GALNTL6: variants seen among roughly 807,000 people sequenced by gnomAD.
The protein encoded by GALNTL6 is polypeptide N-acetylgalactosaminyltransferase-like 6.
Under a neutral mutation model 73.7 loss-of-function variants are expected in GALNTL6, and 46 were observed. The ratio of observed to expected loss-of-function variants is 0.62; its 90% CI spans 0.49 to 0.80. GALNTL6 has a LOEUF of 0.80. GALNTL6 is among the 30% of genes least tolerant of loss of function. The pLI, the probability that GALNTL6 is intolerant of heterozygous loss-of-function variation, is 0.00. For missense variants in GALNTL6, 604 were observed against 755.0 expected (o/e 0.80, Z 2.34); for synonymous variants, 259 against 263.7 (o/e 0.98, Z 0.17).
At chr4:171,942,639 A>C (rs1738584608) in intron 2 of GALNTL6, among the ~76,000 whole-genome samples, 1 of 152,146 alleles carries the variant, frequency 6.6e-6, no homozygotes, top group African/African-American at 2.4e-5. Context: ...TTTCTTTTTC[A>C]CCTACAGAAT....
intron 2 of GALNTL6, among the ~76,000 whole-genome samples, chr4:171,845,887 A>G: frequency 6.6e-6 from 1 of 152,224 alleles, no homozygotes. Context: ...ATTCATGTCC[A>G]ATAAATTGTG....
intron 2 of GALNTL6, among the ~76,000 whole-genome samples, chr4:171,938,513 T>C (rs924411931): frequency 6.6e-6 from 1 of 152,184 alleles, no homozygotes; most frequent in Non-Finnish European, 1.5e-5. Flanking sequence ...ACTATAAAGA[T>C]ATTGCTTTGG....
intron 2 of GALNTL6, among the ~76,000 whole-genome samples, chr4:172,062,244 A>G (rs1194045485): frequency 6.6e-6 from 1 of 151,660 alleles, no homozygotes; most frequent in Non-Finnish European, 1.5e-5. Flanking sequence ...ATAAGCCACT[A>G]CTCCTGGCCT....
chr4:172,467,838 CTTTCTTTCTTT>C, intron 5 of GALNTL6, among the ~76,000 whole-genome samples: 1 of 146,978 alleles, frequency 6.8e-6, no homozygotes, highest in Admixed American at 6.9e-5. Flanking sequence ...TTCTTTCTTT[CTTTCTTTCTTT>C]CTTTCTTTCT....
At position 172,069,486 on chromosome 4, in the gene GALNTL6, C is replaced by CATATATATGTTATATATA. The variant is rs527461143; in HGVS notation, c.139-160169_139-160168insTATATATGTTATATATAA. Among the ~76,000 whole-genome samples the CATATATATGTTATATATA allele has an allele frequency of 3.4e-4, 11 of 32,520 alleles. 5 individuals are homozygous for CATATATATGTTATATATA. Among genetic ancestry groups the CATATATATGTTATATATA allele is most frequent in the African/African-American group, 6.4e-4 (10 of 15,522 alleles). 21.3% of individuals were successfully genotyped at this position (32,520 alleles called of 152,430 possible). A position where few individuals can be genotyped will look rare whatever the true frequency, so the allele number is the denominator to read the frequency against. On this transcript the variant is annotated intron_variant, in intron 2 of 12. Transcript: ENST00000506823. Reference sequence around the variant, plus strand: ...CATATAACATATATGTTATATATAACACATATGTTATATGTATAACACATA... The same window carrying CATATATATGTTATATATA: ...CATATAACATATATGTTATATATAACATATATATGTTATATATAACATATGTTATATGTATAACACATA...
intron 5 of GALNTL6, among the ~76,000 whole-genome samples, chr4:172,739,814 G>A (rs1736697163): frequency 6.6e-6 from 1 of 151,770 alleles, no homozygotes; most frequent in South Asian, 2.1e-4. Context: ...GAATATAGCT[G>A]TAGCTGAAAA....
intron 2 of GALNTL6, among the ~76,000 whole-genome samples, chr4:172,201,264 T>A (rs1314222219): frequency 6.6e-6 from 1 of 151,992 alleles, no homozygotes; most frequent in Non-Finnish European, 1.5e-5. Flanking sequence ...TGGAGTTCAG[T>A]GGCACGATCT....
At chr4:172,187,069 G>C (rs1047936100) in intron 2 of GALNTL6, among the ~76,000 whole-genome samples, 1 of 151,932 alleles carries the variant, frequency 6.6e-6, no homozygotes, top group Non-Finnish European at 1.5e-5. Context: ...GTCATATATA[G>C]ATGAATATCA....
intron 2 of GALNTL6, among the ~76,000 whole-genome samples, chr4:171,875,324 C>G (rs952780150): frequency 6.6e-6 from 1 of 152,172 alleles, no homozygotes; most frequent in African/African-American, 2.4e-5. Context: ...CCAGAAAGTT[C>G]TCTGTTGGGT....
At chr4:171,819,420 AT>A (rs567282284) in intron 2 of GALNTL6, among the ~76,000 whole-genome samples, 5 of 152,244 alleles carry the variant, frequency 3.3e-5, no homozygotes, top group African/African-American at 1.2e-4. Context: ...TAAATAAATA[AT>A]TTTTCCCCTC....
Position 172,375,630 on chromosome 4 carries a change from G to A in GALNTL6, c.553+26941G>A, listed in dbSNP as rs572805849. ...CAATGGTCCCTGGACCCTGCTGATC[G>A]GAATAGTTGCACTCACTGACGCAGC... On this transcript the variant is annotated intron_variant, in intron 5 of 12. Transcript: ENST00000506823. Among the ~76,000 whole-genome samples, 404 of 152,196 alleles carry A rather than the reference G, an allele frequency of 2.7e-3. 1 individual carries two copies. Among genetic ancestry groups the A allele is most frequent in the Non-Finnish European group, 5.0e-3 (337 of 68,016 alleles).
intron 5 of GALNTL6, among the ~76,000 whole-genome samples, chr4:172,673,248 G>T (rs575485729): frequency 1.3e-5 from 2 of 151,932 alleles, no homozygotes; most frequent in Non-Finnish European, 2.9e-5. Context: ...AGTACTTCTT[G>T]TAGGTTATTC....
chr4:172,453,890 T>A (rs2111427907), intron 5 of GALNTL6, among the ~76,000 whole-genome samples: 1 of 152,182 alleles, frequency 6.6e-6, no homozygotes, highest in East Asian at 1.9e-4. Flanking sequence ...AGACTGTTAG[T>A]TCCATCCCTG....
intron 2 of GALNTL6, among the ~76,000 whole-genome samples, chr4:171,845,258 CTT>C (rs1735339597): frequency 6.6e-6 from 1 of 152,148 alleles, no homozygotes; most frequent in South Asian, 2.1e-4. Flanking sequence ...TTGCTGGTCT[CTT>C]TGTTCTGAGC....
At chr4:172,717,570 T>C (rs1735183552) in intron 5 of GALNTL6, among the ~76,000 whole-genome samples, 1 of 152,164 alleles carries the variant, frequency 6.6e-6, no homozygotes, top group Admixed American at 6.6e-5. Flanking sequence ...TGATATACAT[T>C]GGAAAATCCA....
At chr4:172,142,708 G>C (rs1733832520) in intron 2 of GALNTL6, among the ~76,000 whole-genome samples, 1 of 151,610 alleles carries the variant, frequency 6.6e-6, no homozygotes, top group African/African-American at 2.4e-5. Context: ...AATTCTGCCT[G>C]TCTTAGAATT....
chr4:172,534,951 G>T (rs1367403276), intron 5 of GALNTL6, among the ~76,000 whole-genome samples: 1 of 152,094 alleles, frequency 6.6e-6, no homozygotes. Context: ...ATGAAGAAAT[G>T]GAGATTGAAA....
chr4:172,194,469 C>T (rs1479720920), intron 2 of GALNTL6, among the ~76,000 whole-genome samples: 1 of 152,022 alleles, frequency 6.6e-6, no homozygotes, highest in African/African-American at 2.4e-5. Context: ...TAGGATAATC[C>T]ATAAGAAGAT....
At chr4:172,366,908 A>G (rs1742586701) in intron 5 of GALNTL6, among the ~76,000 whole-genome samples, 1 of 152,222 alleles carries the variant, frequency 6.6e-6, no homozygotes, top group African/African-American at 2.4e-5. Flanking sequence ...GTAAACAGTT[A>G]AGCACAAAAT....
Sources: allele counts gnomAD v4.1 joint callset (sites outside exome capture counted in the v4.1 genomes callset), GRCh38; gene constraint gnomAD v4.1.1; transcripts MANE v1.5; gene names NCBI Gene and HGNC (gene_info 2026-07-23, HGNC 2026-07-21).